The following CYP4Z1 variants were observed in gnomAD, a reference collection of about 807,000 sequenced individuals.
CYP4Z1 encodes the protein cytochrome P450 family 4 subfamily Z member 1.
A neutral mutation model predicts 54.2 loss-of-function variants in CYP4Z1; 41 were observed. The ratio of observed to expected loss-of-function variants is 0.76; its 90% CI spans 0.59 to 0.98. The LOEUF (loss-of-function observed/expected upper bound fraction) is 0.98. CYP4Z1 is among the 50% of genes least tolerant of loss of function. The pLI is 0.00. For missense variants in CYP4Z1, 513 were observed against 599.0 expected, an observed-to-expected ratio of 0.86 and a Z score of 1.50; for synonymous variants, 163 against 206.2, an observed-to-expected ratio of 0.79 and a Z score of 1.79.
rs531663939 is a variant in CYP4Z1 at position 47,117,341 on chromosome 1, C to G, written c.1350-425C>G. Among the ~76,000 whole-genome samples, 358 of 152,132 alleles carry G rather than the reference C, an allele frequency of 2.4e-3. 4 individuals are homozygous for G. The highest frequency in any genetic ancestry group is 8.3e-3 in the African/African-American group (345 of 41,496). ...ACTACCACTTATTTGTAAGATGGGC[C>G]CCAAAATAATAGAGCCACAGTTTGC... On this transcript the variant is annotated intron_variant, in intron 11 of 11. Coordinates refer to ENST00000334194, the MANE Select transcript of CYP4Z1 (RefSeq NM_178134.3).
intron 9 of CYP4Z1, among the ~76,000 whole-genome samples, chr1:47,112,819 G>T (rs999453536): frequency 2.1e-4 from 32 of 151,914 alleles, no homozygotes; most frequent in African/African-American, 7.7e-4. Context: ...TCAATATTAG[G>T]AATCCATTAA....
rs1644561142 is a variant in CYP4Z1 at position 47,082,365 on chromosome 1, A to G, written c.396A>G (p.Lys132=). ...GRGLVTLDGS[K]WKKHRQIVKP... ...GACTTGTGACCCTGGATGGTTCTAA[A>G]TGGAAAAAGCACCGCCAGATTGTGA... Residue 132 remains lysine, a synonymous_variant, in exon 4 of 12, where the codon AAA becomes AAG. Transcript: ENST00000334194. The G allele has an allele frequency of 6.2e-7, 1 of 1,612,486 alleles. No homozygotes were observed.
intron 9 of CYP4Z1, among the ~76,000 whole-genome samples, chr1:47,112,229 C>T (rs1644796794): frequency 6.6e-6 from 1 of 152,038 alleles, no homozygotes; most frequent in Admixed American, 6.6e-5. Flanking sequence ...ACTAATATTA[C>T]ACAAGTGTAT....
At chr1:47,056,770 C>T in the CYP4Z1 span, among the ~76,000 whole-genome samples, 3 of 151,924 alleles carry the variant, frequency 2.0e-5, no homozygotes, top group Non-Finnish European at 2.9e-5. Context: ...TTTCCATTTG[C>T]TTGGTAGATC....
intron 9 of CYP4Z1, among the ~76,000 whole-genome samples, chr1:47,114,050 A>G (rs1644812249): frequency 6.6e-6 from 1 of 152,110 alleles, no homozygotes; most frequent in African/African-American, 2.4e-5. Flanking sequence ...AAACTATACT[A>G]CAAGGCTACA....
chr1:47,066,903 A>G (rs931163166), upstream of CYP4Z1, among the ~76,000 whole-genome samples: 2 of 152,010 alleles, frequency 1.3e-5, no homozygotes, highest in African/African-American at 4.8e-5. Context: ...AAAAAAACTT[A>G]GGTATATACC....
intron 8 of CYP4Z1, among the ~76,000 whole-genome samples, chr1:47,104,833 C>T (rs1644745926): frequency 6.6e-6 from 1 of 152,064 alleles, no homozygotes; most frequent in African/African-American, 2.4e-5. Flanking sequence ...CAGGGTGATC[C>T]CCAGGCTGCT....
intron 9 of CYP4Z1, among the ~76,000 whole-genome samples, chr1:47,111,340 C>T (rs140679847): frequency 7.2e-5 from 11 of 152,144 alleles, no homozygotes; most frequent in Admixed American, 5.2e-4. Context: ...CATGTCACCA[C>T]GCCTGGCTAA....
intron 7 of CYP4Z1, 109 bp from the exon 8 acceptor site, chr1:47,098,985 T>C: frequency 7.6e-7 from 1 of 1,307,192 alleles, no homozygotes; most frequent in Non-Finnish European, 1.1e-6. Flanking sequence ...ATTAGTTGTA[T>C]TAATTTTGAA....
intron 9 of CYP4Z1, 128 bp downstream of exon 9, chr1:47,106,389 A>G (rs1489580387): frequency 8.5e-7 from 1 of 1,181,058 alleles, no homozygotes; most frequent in African/African-American, 1.6e-5. Context: ...CTTATTTCCC[A>G]GAGAGGGAGA....
At chr1:47,096,833 T>C (rs953787005) in intron 7 of CYP4Z1, 1 of 152,186 alleles carries the variant, frequency 6.6e-6, no homozygotes, top group Admixed American at 6.5e-5. Flanking sequence ...TTTCACCATA[T>C]TGGCCAGGCT....
chr1:47,094,186 CA>C (rs1428825383), intron 6 of CYP4Z1, among the ~76,000 whole-genome samples: 2 of 152,014 alleles, frequency 1.3e-5, no homozygotes, highest in African/African-American at 4.8e-5. Context: ...TCTTTAAAAC[CA>C]AAGCCTAGGT....
chr1:47,117,418 A>G (rs1557637449), intron 11 of CYP4Z1, among the ~76,000 whole-genome samples: 1 of 152,134 alleles, frequency 6.6e-6, no homozygotes, highest in Non-Finnish European at 1.5e-5. Flanking sequence ...ACTTAAAATA[A>G]AACATTTGCT....
upstream of CYP4Z1, among the ~76,000 whole-genome samples, chr1:47,063,511 A>C (rs1437235405): frequency 6.6e-6 from 1 of 152,044 alleles, no homozygotes; most frequent in Admixed American, 6.6e-5. Flanking sequence ...ATATGAAAGG[A>C]AAATTCTTCA....
At position 47,067,669 on chromosome 1, in the gene CYP4Z1, T is replaced by C. The variant is rs750307082; in HGVS notation, c.177+2T>C. 25 of 1,591,300 alleles carry C rather than the reference T, an allele frequency of 1.6e-5. No homozygotes were observed. The highest frequency in any genetic ancestry group is 2.1e-5 in the Non-Finnish European group (24 of 1,166,590). ...CACTGGTTCTATGGCCACAAGGAGG[T>C]AAGAGGAGAAAATTAGTTGGGGAGG... On this transcript the variant is annotated splice_donor_variant, in intron 1 of 11. Coordinates refer to ENST00000334194, the MANE Select transcript of CYP4Z1 (RefSeq NM_178134.3). LOFTEE classifies it high-confidence loss of function.
chr1:47,105,702 G>A (rs746785287), intron 8 of CYP4Z1, among the ~76,000 whole-genome samples: 1 of 152,148 alleles, frequency 6.6e-6, no homozygotes, highest in African/African-American at 2.4e-5. Flanking sequence ...CTGTGGAAGA[G>A]GCGAGTACCA....
chr1:47,066,639 A>G (rs1298231708), upstream of CYP4Z1, among the ~76,000 whole-genome samples: 2 of 152,202 alleles, frequency 1.3e-5, no homozygotes, highest in South Asian at 2.1e-4. Context: ...TCTATTCAAC[A>G]TAGTACTGGA....
At chr1:47,083,275 G>A (rs568026535) in intron 4 of CYP4Z1, among the ~76,000 whole-genome samples, 66 of 152,212 alleles carry the variant, frequency 4.3e-4, no homozygotes, top group Middle Eastern at 3.4e-3. Context: ...TTTCCAGTGT[G>A]CCATGTTGTT....
intron 6 of CYP4Z1, among the ~76,000 whole-genome samples, chr1:47,090,668 T>C (rs1322947535): frequency 1.3e-5 from 2 of 152,216 alleles, no homozygotes; most frequent in African/African-American, 2.4e-5. Context: ...CAGTTACTTA[T>C]CTTTCATGAT....
Sources: gnomAD v4.1 joint callset for allele counts (sites outside exome capture counted in the v4.1 genomes callset) on GRCh38, gnomAD v4.1.1 for gene constraint, MANE v1.5 for transcripts, NCBI Gene and HGNC (gene_info 2026-07-23, HGNC 2026-07-21) for gene names.